The following SHROOM4 variants were observed in gnomAD, a reference collection of about 807,000 sequenced individuals.
SHROOM4 encodes the protein protein Shroom4.
SHROOM4 carries 17 observed loss-of-function variants against 80.3 expected under a neutral mutation model. That is an observed-to-expected ratio of 0.21 (90% confidence interval 0.14 to 0.32). The LOEUF is 0.32. Ranked by LOEUF, SHROOM4 falls within the 10% of genes least tolerant of loss-of-function variation. The pLI is 1.00. For synonymous variants in SHROOM4, 400 were observed against 437.5 expected, an observed-to-expected ratio of 0.91 and a Z score of 1.07; for missense variants, 993 against 1,140.3, an observed-to-expected ratio of 0.87 and a Z score of 1.86.
At chrX:50,603,459 G>A (rs1557248016) in intron 6 of SHROOM4, among the ~76,000 whole-genome samples, 1 of 111,340 alleles carries the variant, frequency 9.0e-6, no homozygotes, top group Non-Finnish European at 1.9e-5. Flanking sequence ...CCAGGGACTT[G>A]TCACCGCCCA....
intron 1 of SHROOM4, among the ~76,000 whole-genome samples, chrX:50,756,627 T>A (rs1284624357): frequency 1.8e-5 from 2 of 112,219 alleles, no homozygotes; most frequent in Non-Finnish European, 3.8e-5. Flanking sequence ...TGTATGAGAG[T>A]GTTCTGATAT....
intron 5 of SHROOM4, among the ~76,000 whole-genome samples, chrX:50,625,538 G>GT (rs1261229439): frequency 1.4e-4 from 15 of 109,833 alleles, no homozygotes; most frequent in Non-Finnish European, 2.7e-4. Flanking sequence ...TGACAATAAG[G>GT]TTTTTTTTTC....
At chrX:50,653,438 T>G (rs1039357122) in intron 2 of SHROOM4, among the ~76,000 whole-genome samples, 1 of 112,240 alleles carries the variant, frequency 8.9e-6, no homozygotes, top group Admixed American at 9.5e-5. Flanking sequence ...TTTGCTGAAG[T>G]TGCTTATCAG....
intron 2 of SHROOM4, among the ~76,000 whole-genome samples, chrX:50,691,968 C>T (rs1933233351): frequency 9.0e-6 from 1 of 111,224 alleles, no homozygotes; most frequent in Non-Finnish European, 1.9e-5. Flanking sequence ...CATTGTAAGC[C>T]TTCACCAATA....
chrX:50,585,398 C>A (rs1195231018), downstream of SHROOM4, among the ~76,000 whole-genome samples: 1 of 111,027 alleles, frequency 9.0e-6, no homozygotes, highest in African/African-American at 3.3e-5. Context: ...GGTAGAGGGA[C>A]CAGCCTTTTT....
intron 1 of SHROOM4, among the ~76,000 whole-genome samples, chrX:50,741,549 A>G (rs1026703114): frequency 4.5e-4 from 50 of 111,380 alleles, no homozygotes; most frequent in African/African-American, 1.6e-3. Context: ...AAGTGTATAC[A>G]ATTATGATTT....
At position 50,591,696 on chromosome X, in the gene SHROOM4, T is replaced by TCTTTTCTTTC. The variant is rs1557245493; in HGVS notation, c.*4998_*4999insGAAAGAAAAG. On this transcript the variant is annotated 3_prime_UTR_variant, in exon 9 of 9. Coordinates refer to ENST00000376020, the MANE Select transcript of SHROOM4 (RefSeq NM_020717.5). The stretch of plus-strand genomic sequence containing the variant: ...TTCTTTCTTTCTTTCTTTCTTTCTT[T>TCTTTTCTTTC]TCTTTCTTTCTTTCTTTCTTTCTTT... 1.1e-4 allele frequency: 1 copy of TCTTTTCTTTC among 9,225 alleles called. No individual in the cohort carries two copies. Among genetic ancestry groups the TCTTTTCTTTC allele is most frequent in the African/African-American group, 1.9e-4 (1 of 5,311 alleles). 0.8% of individuals were successfully genotyped at this position (9,225 alleles called of 1,213,427 possible). A position where few individuals can be genotyped will look rare whatever the true frequency, so the allele number is the denominator to read the frequency against.
chrX:50,794,950 A>G (rs1935930388), intron 1 of SHROOM4, among the ~76,000 whole-genome samples: 1 of 97,839 alleles, frequency 1.0e-5, no homozygotes, highest in Non-Finnish European at 2.0e-5. Flanking sequence ...ATATATAAAT[A>G]TAGGTGTGTG....
intron 1 of SHROOM4, among the ~76,000 whole-genome samples, chrX:50,754,860 TATC>T (rs1557268273): frequency 8.9e-6 from 1 of 111,991 alleles, no homozygotes; most frequent in African/African-American, 3.2e-5. Flanking sequence ...TCCCAGGAGG[TATC>T]ATGGTGCAAT....
intron 2 of SHROOM4, among the ~76,000 whole-genome samples, chrX:50,688,081 C>A (rs1305147686): frequency 1.8e-5 from 2 of 111,106 alleles, no homozygotes; most frequent in Admixed American, 1.9e-4. Context: ...CAGTCTGCCA[C>A]AACTCAATTT....
intron 1 of SHROOM4, among the ~76,000 whole-genome samples, chrX:50,734,662 G>T (rs1934442520): frequency 9.0e-6 from 1 of 111,116 alleles, no homozygotes; most frequent in Non-Finnish European, 1.9e-5. Context: ...TGATCTGCCT[G>T]CCTCAGCCTC....
At chrX:50,672,307 C>T (rs1017979800) in intron 2 of SHROOM4, among the ~76,000 whole-genome samples, 33 of 111,572 alleles carry the variant, frequency 3.0e-4, no homozygotes, top group African/African-American at 1.1e-3. Flanking sequence ...AAAATGGTGC[C>T]AATAGACTTG....
chrX:50,748,819 T>C (rs937733287), intron 1 of SHROOM4, among the ~76,000 whole-genome samples: 4 of 112,478 alleles, frequency 3.6e-5, no homozygotes, highest in Non-Finnish European at 7.5e-5. Context: ...GAGGGAGCCA[T>C]TGCTGTTCCA....
At chrX:50,582,589 G>T (rs1040377682), downstream of SHROOM4, among the ~76,000 whole-genome samples, 2 of 111,766 alleles carry the variant, frequency 1.8e-5, no homozygotes, top group African/African-American at 6.5e-5. Context: ...CCATTTTGGA[G>T]ATTTTTCTTC....
rs1291379980 is a variant in SHROOM4 at position 50,592,515 on chromosome X, T to C, written c.*4180A>G. On this transcript the variant is annotated 3_prime_UTR_variant, in exon 9 of 9. Transcript: ENST00000376020. ...TCATTCTAATGCCAAAGCTGGACTC[T>C]TTCTACTCTACCACAATGGATATCT... 2 of 193,544 alleles carry C rather than the reference T, an allele frequency of 1.0e-5. No individual in the cohort carries two copies. Among genetic ancestry groups the C allele is most frequent in the African/African-American group, 6.0e-5 (2 of 33,294 alleles). The allele number at this position is 193,544 out of a possible 1,213,427, so 16.0% of individuals were successfully genotyped here.
chrX:50,596,533 G>A lies in SHROOM4; in HGVS notation c.*162C>T, dbSNP rs1557246661. The A allele has an allele frequency of 1.4e-6, 1 of 716,021 alleles. No homozygotes were observed. Among genetic ancestry groups the A allele is most frequent in the Admixed American group, 2.6e-5 (1 of 38,232 alleles). The allele number at this position is 716,021 out of a possible 1,213,427, so 59.0% of individuals were successfully genotyped here. ...TGGCTTCCCCAGGGTCTCCTAGCTG[G>A]TTAGGACCACTGCTAGGGAAGGGGT... On this transcript the variant is annotated 3_prime_UTR_variant, in exon 9 of 9. Coordinates refer to ENST00000376020, the MANE Select transcript of SHROOM4 (RefSeq NM_020717.5).
intron 1 of SHROOM4, among the ~76,000 whole-genome samples, chrX:50,762,465 A>C (rs1361082142): frequency 8.9e-6 from 1 of 112,580 alleles, no homozygotes. Flanking sequence ...TAGTTACTAC[A>C]TAATTACATT....
intron 1 of SHROOM4, among the ~76,000 whole-genome samples, chrX:50,797,938 G>T (rs1936048804): frequency 9.0e-6 from 1 of 111,141 alleles, no homozygotes; most frequent in South Asian, 3.8e-4. Context: ...GAAGAAAGAT[G>T]TACCCATTTA....
In SHROOM4 at chrX:50,634,341, A is replaced by G; in HGVS notation, c.1732T>C (p.Ser578Pro). Residue 578 changes from serine (S) to proline (P), a missense_variant, in exon 4 of 9, where the codon TCG (serine) becomes CCG (proline). Physicochemically the swap from Ser to Pro is moderately conservative, Grantham distance 74. Coordinates refer to ENST00000376020, the MANE Select transcript of SHROOM4 (RefSeq NM_020717.5). ...TCACTCTTCCGCCGGTTTTGGATCGAGCGGCCCCGGGTCCCTCCACTTCGC... is the reference window on the plus strand; with the variant it reads ...TCACTCTTCCGCCGGTTTTGGATCGGGCGGCCCCGGGTCCCTCCACTTCGC... ...GRRSGGTRGR[S>P]IQNRRKSERF... is the part of the protein sequence containing the mutation. 8.3e-7 allele frequency: 1 copy of G among 1,210,767 alleles called. No individual in the cohort carries two copies. Among genetic ancestry groups the G allele is most frequent in the South Asian group, 1.8e-5 (1 of 56,861 alleles).
Sources: gnomAD v4.1 joint callset for allele counts (sites outside exome capture counted in the v4.1 genomes callset) on GRCh38, gnomAD v4.1.1 for gene constraint, MANE v1.5 for transcripts, NCBI Gene and HGNC (gene_info 2026-07-23, HGNC 2026-07-21) for gene names.